The following GRM4 variants were observed in gnomAD, a reference collection of about 807,000 sequenced individuals.
GRM4 encodes the protein glutamate metabotropic receptor 4.
Under a neutral mutation model 81.7 loss-of-function variants are expected in GRM4, and 28 were observed. The observed-to-expected ratio is 0.34, with a 90% CI of 0.25 to 0.47. The LOEUF (loss-of-function observed/expected upper bound fraction) is 0.47, where lower values mean the gene tolerates loss of function less well. Among genes scored for constraint, GRM4 ranks in the 20% least tolerant of loss-of-function variants. The probability of loss-of-function intolerance (pLI) is 1.00; values close to 1 mark genes in which losing one functional copy is unlikely to be tolerated. For missense variants in GRM4, 948 were observed against 1,290.0 expected, an observed-to-expected ratio of 0.73 and a Z score of 4.06; for synonymous variants, 488 against 528.8, an observed-to-expected ratio of 0.92 and a Z score of 1.06.
rs1254022346 is a variant in GRM4, at chr6:34,034,915, T to C, written c.2442+753A>G. Among the ~76,000 whole-genome samples the C allele has an allele frequency of 6.6e-6, 1 of 152,088 alleles. No homozygotes were observed. The highest frequency in any genetic ancestry group is 1.5e-5 in the Non-Finnish European group (1 of 68,042). ...CCAGGACTGGGATGTGGGCCGAGCA[T>C]ACAGGTCTCTTGGGGTGTGCCCAGG... is the stretch of plus-strand genomic sequence containing the variant. On this transcript the variant is annotated intron_variant, in intron 9 of 10. Transcript: ENST00000538487. This position sits in a 1 kb window ranked among gnomAD's most constrained non-coding sequence, Gnocchi z 4.0.
rs761015960 is a variant in GRM4, at chr6:34,151,596, C to T, written c.312+3483G>A. Among the ~76,000 whole-genome samples, 79 of 152,094 alleles carry T rather than the reference C, an allele frequency of 5.2e-4. 1 individual carries two copies. Among genetic ancestry groups the T allele is most frequent in the Admixed American group, 1.0e-3 (16 of 15,278 alleles). ...AGGGGGAGCAGCCAGGTGACAGGCA[C>T]GGGAGGGGCGCAGTCCACCTGGCCC... On this transcript the variant is annotated intron_variant, in intron 1 of 8. Transcript: ENST00000374177.
chr6:34,043,637 C>T (rs932471030), intron 6 of GRM4, among the ~76,000 whole-genome samples: 7 of 152,160 alleles, frequency 4.6e-5, no homozygotes, highest in African/African-American at 1.4e-4. Context: ...TCTGGGGAAA[C>T]ACACCTCCCC....
chr6:34,086,031 G>A (rs760444915), intron 3 of GRM4, among the ~76,000 whole-genome samples: 1 of 152,242 alleles, frequency 6.6e-6, no homozygotes, highest in Non-Finnish European at 1.5e-5. Context: ...TGGCAAGAGC[G>A]AGGGAGAGGC....
At chr6:34,149,946 G>A (rs560639229), upstream of GRM4, among the ~76,000 whole-genome samples, 10 of 152,154 alleles carry the variant, frequency 6.6e-5, no homozygotes, top group African/African-American at 9.7e-5. Context: ...TGCCTTGGTG[G>A]GGGAACACTG....
chr6:34,109,044 G>A (rs1158936520), intron 2 of GRM4, among the ~76,000 whole-genome samples: 1 of 152,180 alleles, frequency 6.6e-6, no homozygotes, highest in East Asian at 1.9e-4. Context: ...TGAGGACCTG[G>A]GGACTAGAGA....
intron 3 of GRM4, among the ~76,000 whole-genome samples, chr6:34,072,421 A>T (rs1273769605): frequency 6.7e-6 from 1 of 150,308 alleles, no homozygotes; most frequent in Non-Finnish European, 1.5e-5. Flanking sequence ...CACCACACAG[A>T]TACACAGCAC....
At chr6:34,066,138 C>T (rs371134719) in intron 3 of GRM4, among the ~76,000 whole-genome samples, 9 of 152,160 alleles carry the variant, frequency 5.9e-5, no homozygotes, top group East Asian at 3.9e-4. Context: ...CACACGGCAG[C>T]GTCTAGTAAA....
At chr6:34,056,354 T>C in intron 6 of GRM4, 190 bp downstream of exon 6, 2 of 595,652 alleles carry the variant, frequency 3.4e-6, no homozygotes, top group Non-Finnish European at 6.0e-6. Flanking sequence ...ACCCCAAATC[T>C]GCTGTGGCCC....
intron 6 of GRM4, among the ~76,000 whole-genome samples, chr6:34,051,469 C>A (rs1417808935): frequency 6.6e-6 from 1 of 152,186 alleles, no homozygotes. Context: ...CTCTGAGCTC[C>A]CAGCCCCTGT....
chr6:34,072,194 CAGA>C (rs1766940891), intron 3 of GRM4, among the ~76,000 whole-genome samples: 1 of 93,890 alleles, frequency 1.1e-5, no homozygotes, highest in African/African-American at 3.5e-5. Flanking sequence ...ACACCACACA[CAGA>C]CACACAATCA....
intron 2 of GRM4, among the ~76,000 whole-genome samples, chr6:34,122,821 C>T (rs987695335): frequency 1.3e-5 from 2 of 152,206 alleles, no homozygotes; most frequent in Non-Finnish European, 2.9e-5. Context: ...CAATCCTGCC[C>T]TCAAGAAACT....
chr6:34,056,512 C>G, intron 6 of GRM4, 32 bp downstream of exon 6: 3 of 1,594,390 alleles, frequency 1.9e-6, no homozygotes, highest in Non-Finnish European at 2.6e-6. Flanking sequence ...CCTCCTAGAG[C>G]CCGCCCGGCC....
At chr6:34,122,346 G>A (rs1769844210) in intron 2 of GRM4, among the ~76,000 whole-genome samples, 2 of 152,068 alleles carry the variant, frequency 1.3e-5, no homozygotes, top group African/African-American at 4.8e-5. Context: ...AGACAGACAG[G>A]GAAAGAGGGG....
At chr6:34,040,101 G>A in intron 8 of GRM4, 77 bp downstream of exon 8, 1 of 1,413,168 alleles carries the variant, frequency 7.1e-7, no homozygotes, top group South Asian at 1.2e-5. Flanking sequence ...ATCAGCAGCA[G>A]CCTCCCCTTG....
chr6:34,040,292 G>A lies in GRM4; in HGVS notation c.1392C>T (p.Thr464=), dbSNP rs762806063. The stretch of plus-strand genomic sequence containing the variant: ...CAGGCGCATCTCCATTCTCATTGAA[G>A]GTCACAGGGTTCCCTGCGATGCCTG... ...NFSGIAGNPV[T]FNENGDAPGR... is the part of the protein sequence containing the mutation. The change falls in exon 8 of 11, where the codon ACC becomes ACT. Residue 464 remains threonine, a synonymous_variant. Transcript: ENST00000538487. 1.2e-6 allele frequency: 2 copies of A among 1,614,198 alleles called. No individual in the cohort carries two copies. The highest frequency in any genetic ancestry group is 1.7e-6 in the Non-Finnish European group (2 of 1,180,006).
intron 10 of GRM4, among the ~76,000 whole-genome samples, chr6:34,027,321 C>T (rs1205379427): frequency 2.0e-5 from 3 of 152,162 alleles, no homozygotes; most frequent in Non-Finnish European, 4.4e-5. Context: ...GATGGTGGCA[C>T]TGCTCCGTTA....
At chr6:34,067,421 C>T (rs1419905503) in intron 3 of GRM4, among the ~76,000 whole-genome samples, 5 of 130,414 alleles carry the variant, frequency 3.8e-5, no homozygotes, top group Non-Finnish European at 8.2e-5. Context: ...TCCCTCCCTC[C>T]GTCCTTCCCT....
intron 10 of GRM4, 149 bp from the exon 11 acceptor site, chr6:34,023,019 C>A: frequency 1.5e-6 from 1 of 685,090 alleles, no homozygotes; most frequent in Non-Finnish European, 2.6e-6. Flanking sequence ...CGACACTGCC[C>A]CAAACTGCAC....
At chr6:34,038,559 C>A (rs1764831085) in intron 8 of GRM4, among the ~76,000 whole-genome samples, 1 of 152,228 alleles carries the variant, frequency 6.6e-6, no homozygotes, top group African/African-American at 2.4e-5. Flanking sequence ...TGGAGGAGGA[C>A]AGTAGCCAGG....
Sources: gnomAD v4.1 joint callset for allele counts (sites outside exome capture counted in the v4.1 genomes callset) on GRCh38, gnomAD v4.1.1 for gene constraint, Gnocchi (gnomAD v3.1) non-coding constraint, MANE v1.5 for transcripts, NCBI Gene and HGNC (gene_info 2026-07-23, HGNC 2026-07-21) for gene names.